CNTN5: variants seen among roughly 807,000 people sequenced by gnomAD.
CNTN5 encodes contactin-5.
In CNTN5, 77 loss-of-function variants were observed where a neutral mutation model predicts 129.1. The ratio of observed to expected loss-of-function variants is 0.60; its 90% confidence interval spans 0.50 to 0.72. The LOEUF is 0.72. Ranked by LOEUF, CNTN5 falls within the 30% of genes least tolerant of loss-of-function variation. The pLI is 0.00. For synonymous variants in CNTN5, 509 were observed against 465.6 expected, an observed-to-expected ratio of 1.09 and a Z score of -1.20; for missense variants, 1,478 against 1,328.8, an observed-to-expected ratio of 1.11 and a Z score of -1.75.
intron 2 of CNTN5, among the ~76,000 whole-genome samples, chr11:99,375,862 C>T (rs1398867205): frequency 6.6e-6 from 1 of 151,822 alleles, no homozygotes; most frequent in Non-Finnish European, 1.5e-5. Context: ...AGTCAAAAGG[C>T]CAGTTTAAAT....
At chr11:99,516,242 AT>A (rs1591198550) in intron 2 of CNTN5, among the ~76,000 whole-genome samples, 1 of 152,226 alleles carries the variant, frequency 6.6e-6, no homozygotes, top group East Asian at 1.9e-4. Context: ...AATAAAAATC[AT>A]TTTTACCATT....
intron 4 of CNTN5, among the ~76,000 whole-genome samples, chr11:99,834,149 T>C (rs1249186970): frequency 6.6e-6 from 1 of 152,180 alleles, no homozygotes; most frequent in Non-Finnish European, 1.5e-5. Flanking sequence ...CTTAGTTTTG[T>C]TCAGAACTTA....
intron 1 of CNTN5, among the ~76,000 whole-genome samples, chr11:99,219,684 C>T (rs1171144643): frequency 6.7e-6 from 1 of 149,376 alleles, no homozygotes; most frequent in Non-Finnish European, 1.5e-5. Flanking sequence ...AAAACTATTG[C>T]AGGATTTTGA....
rs1295068619 is a variant in CNTN5, at chr11:100,221,740, G to C, written c.1885-2952G>C. Among the ~76,000 whole-genome samples, 10 of 152,078 alleles carry C rather than the reference G, an allele frequency of 6.6e-5. 1 individual carries two copies. The highest frequency in any genetic ancestry group is 1.0e-4 in the Non-Finnish European group (7 of 68,016). ...GTTTCGGCGTGTTGTGTTAAGCACT[G>C]GTTGTGGCAAAATTCATTTGAAGCA... On this transcript the variant is annotated intron_variant, in intron 15 of 24. Transcript: ENST00000524871.
At chr11:99,507,391 A>C (rs978846609) in intron 2 of CNTN5, among the ~76,000 whole-genome samples, 1 of 151,302 alleles carries the variant, frequency 6.6e-6, no homozygotes, top group Non-Finnish European at 1.5e-5. Context: ...AAAAAAAAAA[A>C]AAAAGAAAGG....
chr11:99,366,358 C>T (rs911754180), intron 2 of CNTN5, among the ~76,000 whole-genome samples: 1 of 152,104 alleles, frequency 6.6e-6, no homozygotes, highest in Non-Finnish European at 1.5e-5. Context: ...AATCACAGAA[C>T]AGGAAATGCT....
intron 3 of CNTN5, among the ~76,000 whole-genome samples, chr11:99,718,565 A>G (rs1347166094): frequency 2.0e-5 from 3 of 152,134 alleles, no homozygotes; most frequent in South Asian, 4.1e-4. Flanking sequence ...TGTGAAAGGG[A>G]AGGAAAAACT....
chr11:99,980,727 CCT>C (rs539315866), intron 8 of CNTN5, among the ~76,000 whole-genome samples: 368 of 151,950 alleles, frequency 2.4e-3, no homozygotes, highest in Middle Eastern at 0.01. Context: ...CAGCTTAATA[CCT>C]GATAATATGT....
chr11:99,744,463 G>A (rs1259038691), intron 3 of CNTN5, among the ~76,000 whole-genome samples: 1 of 149,054 alleles, frequency 6.7e-6, no homozygotes, highest in East Asian at 2.0e-4. Flanking sequence ...CACTTTGGAG[G>A]GTGAGGCAAC....
At chr11:99,421,747 G>T (rs879021389) in intron 2 of CNTN5, among the ~76,000 whole-genome samples, 2 of 151,862 alleles carry the variant, frequency 1.3e-5, no homozygotes, top group Admixed American at 1.3e-4. Flanking sequence ...TCAGAGTGTT[G>T]TTTGCTTTGT....
chr11:99,159,796 A>G (rs1006872598), intron 1 of CNTN5, among the ~76,000 whole-genome samples: 22 of 152,136 alleles, frequency 1.4e-4, no homozygotes, highest in African/African-American at 5.1e-4. Flanking sequence ...CTAGAGGAAA[A>G]TATAGGAGAA....
intron 9 of CNTN5, among the ~76,000 whole-genome samples, chr11:100,043,718 C>T (rs183136897): frequency 2.0e-5 from 3 of 152,176 alleles, no homozygotes; most frequent in Admixed American, 6.5e-5. Flanking sequence ...TCAAGCTCAC[C>T]TCACATGTCA....
At position 100,155,946 on chromosome 11, in the gene CNTN5, G is replaced by T. The variant is rs375162499; in HGVS notation, c.1581-35180G>T. Among the ~76,000 whole-genome samples, 16 of 152,180 alleles carry T rather than the reference G, an allele frequency of 1.1e-4. No homozygotes were observed. The East Asian group carries it at 3.1e-3, about 29-fold the overall frequency. ...TTCTAAATATATAATCTTGTCATCT[G>T]CAAACAGAGACAATTTGACTCATGT... On this transcript the variant is annotated intron_variant, in intron 13 of 24. Transcript: ENST00000524871.
chr11:100,049,421 A>T (rs1288124177), intron 9 of CNTN5, among the ~76,000 whole-genome samples: 1 of 152,144 alleles, frequency 6.6e-6, no homozygotes, highest in African/African-American at 2.4e-5. Flanking sequence ...TGAAATACTA[A>T]AAACTAATAA....
intron 6 of CNTN5, among the ~76,000 whole-genome samples, chr11:99,870,295 A>G (rs1023711446): frequency 1.3e-5 from 2 of 152,046 alleles, no homozygotes; most frequent in Non-Finnish European, 1.5e-5. Flanking sequence ...TTGTCCAAGG[A>G]AAAAACAATG....
chr11:100,192,071 A>G (rs1270696069), intron 14 of CNTN5, among the ~76,000 whole-genome samples: 1 of 152,048 alleles, frequency 6.6e-6, no homozygotes, highest in African/African-American at 2.4e-5. Flanking sequence ...CAGTACTCTG[A>G]TATTTTAGAA....
chr11:99,975,059 A>T (rs934378885), intron 8 of CNTN5, among the ~76,000 whole-genome samples: 9 of 152,272 alleles, frequency 5.9e-5, no homozygotes, highest in Non-Finnish European at 1.3e-4. Context: ...CTGCCCTTCC[A>T]CAAGTCGGCC....
chr11:100,183,730 A>G (rs1161069407), intron 13 of CNTN5, among the ~76,000 whole-genome samples: 1 of 152,144 alleles, frequency 6.6e-6, no homozygotes, highest in Non-Finnish European at 1.5e-5. Context: ...CATACAGGAA[A>G]ACTTTTCAAA....
At chr11:99,990,445 T>TACACACACACACAC (rs1318603192) in intron 8 of CNTN5, among the ~76,000 whole-genome samples, 8 of 81,382 alleles carry the variant, frequency 9.8e-5, no homozygotes, top group African/African-American at 3.0e-4. Flanking sequence ...ATTTTTAGAA[T>TACACACACACACAC]ATATATATAT....
Sources: allele counts gnomAD v4.1 joint callset (sites outside exome capture counted in the v4.1 genomes callset), GRCh38; gene constraint gnomAD v4.1.1; transcripts MANE v1.5; gene names NCBI Gene and HGNC (gene_info 2026-07-23, HGNC 2026-07-21).